Variants in MAPK10 observed in about 807,000 individuals in gnomAD.
MAPK10 encodes mitogen-activated protein kinase 10.
In MAPK10, 25 loss-of-function variants were observed where a neutral mutation model predicts 59.3. That is an observed-to-expected ratio of 0.42 (90% CI 0.31 to 0.59). The LOEUF (loss-of-function observed/expected upper bound fraction) is 0.59, where lower values mean the gene tolerates loss of function less well. MAPK10 is among the 20% of genes least tolerant of loss of function. MAPK10 has a pLI of 0.15. For synonymous variants in MAPK10, 190 were observed against 200.5 expected (o/e 0.95, Z 0.44); for missense variants, 351 against 568.9 (o/e 0.62, Z 3.90).
intron 2 of MAPK10, among the ~76,000 whole-genome samples, chr4:86,203,654 C>A (rs1388654627): frequency 6.7e-6 from 1 of 150,194 alleles, no homozygotes; most frequent in Non-Finnish European, 1.5e-5. Flanking sequence ...TAACAGCCTG[C>A]AAGCATATGT....
intron 2 of MAPK10, among the ~76,000 whole-genome samples, chr4:86,351,396 AAC>A (rs142964843): frequency 0.049 from 6,487 of 132,430 alleles, 387 homozygotes; most frequent in African/African-American, 0.16. Context: ...TGTATACACA[AAC>A]ACACACACAC....
At chr4:86,227,726 T>A (rs908823547) in intron 2 of MAPK10, among the ~76,000 whole-genome samples, 1 of 152,126 alleles carries the variant, frequency 6.6e-6, no homozygotes, top group African/African-American at 2.4e-5. Flanking sequence ...TCTGCCCACA[T>A]TATTTAAGGT....
intron 4 of MAPK10, chr4:86,124,445 T>C (rs891141264): frequency 6.6e-6 from 1 of 151,814 alleles, no homozygotes; most frequent in African/African-American, 2.4e-5. Flanking sequence ...TAACTTTTTA[T>C]ACATAAGTCC....
chr4:86,387,658 G>C (rs538918381), intron 1 of MAPK10, among the ~76,000 whole-genome samples: 9 of 152,214 alleles, frequency 5.9e-5, no homozygotes, highest in African/African-American at 2.2e-4. Context: ...TGGTTGCCTT[G>C]GTTGTTTGGA....
chr4:86,299,929 G>C (rs772541616), intron 2 of MAPK10, among the ~76,000 whole-genome samples: 2 of 151,564 alleles, frequency 1.3e-5, no homozygotes, highest in Non-Finnish European at 2.9e-5. Flanking sequence ...GTCTTGCTCT[G>C]TCTCCCAGGC....
rs562365520 is a variant in MAPK10, at chr4:86,238,813, C to G, written c.-6-44406G>C. Among the ~76,000 whole-genome samples the G allele has an allele frequency of 3.3e-5, 5 of 152,292 alleles. No homozygotes were observed. In the East Asian group the frequency reaches 9.7e-4, roughly 29 times the overall value. ...GCAAACAGAGACAATTTGACTTCCT[C>G]TCTTCCTATTTTAATGTCCTTTATT... On this transcript the variant is annotated intron_variant, in intron 2 of 13. Transcript: ENST00000641462.
Position 86,417,901 on chromosome 4 carries a change from T to C in MAPK10, c.-122+35129A>G, listed in dbSNP as rs1746049127. ...TTTAGAAAAAATACATGAAATAGCTTTTCCAAAATTTGGCCTGAAATGTAG... is the reference window on the plus strand; with the variant it reads ...TTTAGAAAAAATACATGAAATAGCTCTTCCAAAATTTGGCCTGAAATGTAG... On this transcript the variant is annotated intron_variant, in intron 1 of 13. Transcript: ENST00000361569. Among the ~76,000 whole-genome samples, 3 of 152,208 alleles carry C rather than the reference T, an allele frequency of 2.0e-5. No individual in the cohort carries two copies. The South Asian group carries it at 6.2e-4, about 32-fold the overall frequency.
At position 86,208,512 on chromosome 4, in the gene MAPK10, A is replaced by G. The variant is rs528172375; in HGVS notation, c.-6-14105T>C. Reference sequence around the variant, plus strand: ...ACCACATGATTATCTCAATAGATGCAGAAAAGGCCTTTGACAAAATTCAAC... The same window carrying G: ...ACCACATGATTATCTCAATAGATGCGGAAAAGGCCTTTGACAAAATTCAAC... On this transcript the variant is annotated intron_variant, in intron 2 of 13. Transcript: ENST00000641462. Among the ~76,000 whole-genome samples, 4 of 151,380 alleles carry G rather than the reference A, an allele frequency of 2.6e-5. No individual in the cohort carries two copies. The South Asian group carries it at 8.4e-4, about 32-fold the overall frequency.
At chr4:86,367,972 G>T (rs1167432221) in intron 1 of MAPK10, among the ~76,000 whole-genome samples, 6 of 152,042 alleles carry the variant, frequency 3.9e-5, no homozygotes, top group Non-Finnish European at 8.8e-5. Flanking sequence ...CTGAGGAAAA[G>T]AAAACTATTA....
In MAPK10 at chr4:86,354,662, A is replaced by C; in HGVS notation, c.-121-18T>G. The C allele has an allele frequency of 2.0e-6, 2 of 979,470 alleles. No individual in the cohort carries two copies. The highest frequency in any genetic ancestry group is 1.3e-6 in the Non-Finnish European group (1 of 757,634). The allele number at this position is 979,470 out of a possible 1,614,324, so 60.7% of individuals were successfully genotyped here. On this transcript the variant is annotated intron_variant, in intron 1 of 13. Coordinates refer to ENST00000641462, the MANE Select transcript of MAPK10 (RefSeq NM_138982.4). ...ACACTAGCCTGAAAGCAAAGCCAAAAAACAGATGAGTTTGATTTTAAGATT... is the reference window on the plus strand; with the variant it reads ...ACACTAGCCTGAAAGCAAAGCCAAACAACAGATGAGTTTGATTTTAAGATT...
intron 2 of MAPK10, among the ~76,000 whole-genome samples, chr4:86,291,706 A>G (rs2095233902): frequency 6.6e-6 from 1 of 152,210 alleles, no homozygotes; most frequent in Non-Finnish European, 1.5e-5. Context: ...TAAATAATTT[A>G]TATTGCATTG....
rs568966559 is a variant in MAPK10, at chr4:86,251,171, TTTTA to T, written c.-6-56768_-6-56765del. ...TTTTATTTTATTTTATTTTATTTTA[TTTTA>T]TTTATTTTTTTAATTATACTTTAAA... On this transcript the variant is annotated intron_variant, in intron 2 of 13. Transcript: ENST00000641462. Among the ~76,000 whole-genome samples, 967 of 151,882 alleles carry T rather than the reference TTTTA, an allele frequency of 6.4e-3. 9 individuals carry two copies. Among genetic ancestry groups the T allele is most frequent in the Non-Finnish European group, 0.011 (728 of 67,954 alleles).
chr4:86,215,748 G>A (rs1261451461), intron 2 of MAPK10, among the ~76,000 whole-genome samples: 1 of 152,118 alleles, frequency 6.6e-6, no homozygotes, highest in Non-Finnish European at 1.5e-5. Context: ...TGTAGTCCCA[G>A]CTACTCAGGA....
intron 1 of MAPK10, among the ~76,000 whole-genome samples, chr4:86,523,391 T>A (rs1757259877): frequency 6.6e-6 from 1 of 152,184 alleles, no homozygotes; most frequent in African/African-American, 2.4e-5. Flanking sequence ...CAGGAGTGCT[T>A]TAAGCAGGAG....
intron 1 of MAPK10, among the ~76,000 whole-genome samples, chr4:86,582,830 T>G (rs1762395013): frequency 6.6e-6 from 1 of 152,196 alleles, no homozygotes; most frequent in Non-Finnish European, 1.5e-5. Flanking sequence ...AGTTGATAAT[T>G]TATATTTTTA....
In MAPK10 at chr4:86,013,297, T is replaced by C. The variant is rs546262306; in HGVS notation, c.*3931A>G. On this transcript the variant is annotated 3_prime_UTR_variant, in exon 14 of 14. Coordinates refer to ENST00000641462, the MANE Select transcript of MAPK10 (RefSeq NM_138982.4). ...GGAGTTTCCTTGCTTGGCTTAATGATATCTGTGGAAAATGTTGAACTCTTA... is the reference window on the plus strand; with the variant it reads ...GGAGTTTCCTTGCTTGGCTTAATGACATCTGTGGAAAATGTTGAACTCTTA... The C allele has an allele frequency of 3.3e-5, 5 of 152,212 alleles. No homozygotes were observed. Among genetic ancestry groups the C allele is most frequent in the Non-Finnish European group, 4.4e-5 (3 of 68,034 alleles). 9.4% of individuals were successfully genotyped at this position (152,212 alleles called of 1,614,324 possible).
chr4:86,067,930 A>G lies in MAPK10; in HGVS notation c.828T>C (p.Ile276=). 1 of 1,612,474 alleles carries G rather than the reference A, an allele frequency of 6.2e-7. No individual in the cohort carries two copies. Among genetic ancestry groups the G allele is most frequent in the Non-Finnish European group, 8.5e-7 (1 of 1,179,098 alleles). The change falls in exon 10 of 14, where the codon ATT becomes ATC. Residue 276 remains isoleucine, a synonymous_variant. Coordinates refer to ENST00000641462, the MANE Select transcript of MAPK10 (RefSeq NM_138982.4). ...RDYIDQWNKV[I]EQLGTPCPEF... The stretch of plus-strand genomic sequence containing the variant: ...CTGGACATGGTGTTCCTAGTTGTTC[A>G]ATTACCTTATTCCACTGGTCAATAT...
At chr4:86,098,686 G>A (rs749484716) in intron 8 of MAPK10, 91 bp from the exon 9 acceptor site, 7 of 1,110,990 alleles carry the variant, frequency 6.3e-6, no homozygotes, top group Non-Finnish European at 9.5e-6. Flanking sequence ...AAAAAGAACA[G>A]TTTGATTAAA....
chr4:86,143,069 A>G (rs2149184569), intron 4 of MAPK10, among the ~76,000 whole-genome samples: 1 of 152,270 alleles, frequency 6.6e-6, no homozygotes, highest in South Asian at 2.1e-4. Context: ...GTCTCAGGAA[A>G]CTTACAATCA....
Sources: allele counts gnomAD v4.1 joint callset (sites outside exome capture counted in the v4.1 genomes callset), GRCh38; gene constraint gnomAD v4.1.1; transcripts MANE v1.5; gene names NCBI Gene and HGNC (gene_info 2026-07-23, HGNC 2026-07-21).